Variants in NRXN1 observed in about 807,000 individuals in gnomAD.
The protein encoded by NRXN1 is neurexin-1.
In NRXN1, 39 loss-of-function variants were observed where a neutral mutation model predicts 150.9. The ratio of observed to expected loss-of-function variants is 0.26; its 90% confidence interval spans 0.20 to 0.34. The LOEUF (loss-of-function observed/expected upper bound fraction) is 0.34, where lower values mean the gene tolerates loss of function less well. Ranked by LOEUF, NRXN1 falls within the 10% of genes least tolerant of loss-of-function variation. The pLI is 1.00. For missense variants in NRXN1, 1,815 were observed against 1,949.9 expected, an observed-to-expected ratio of 0.93 and a Z score of 1.30; for synonymous variants, 924 against 757.0, an observed-to-expected ratio of 1.22 and a Z score of -3.62.
intron 17 of NRXN1, among the ~76,000 whole-genome samples, chr2:50,402,096 T>C (rs1006962212): frequency 9.2e-5 from 14 of 152,088 alleles, no homozygotes; most frequent in African/African-American, 3.1e-4. Context: ...GAACTCAGAC[T>C]AGTATAGCTT....
At chr2:50,827,681 C>T (rs147011726) in intron 5 of NRXN1, among the ~76,000 whole-genome samples, 13,448 of 151,850 alleles carry the variant, frequency 0.089, 690 homozygotes, top group Admixed American at 0.092. Context: ...CATAGGACAA[C>T]AGTGGAGGGA....
At chr2:50,842,059 T>G (rs936270913) in intron 5 of NRXN1, among the ~76,000 whole-genome samples, 1 of 152,204 alleles carries the variant, frequency 6.6e-6, no homozygotes, top group Admixed American at 6.5e-5. Context: ...CAACTGGACA[T>G]CATCTCCATT....
intron 5 of NRXN1, chr2:50,898,572 G>T (rs1423410219): frequency 2.1e-6 from 1 of 483,492 alleles, no homozygotes; most frequent in Non-Finnish European, 4.1e-6. Context: ...AATGAAACGG[G>T]ATATTGTGCT....
At chr2:50,655,806 T>C (rs552978482) in intron 5 of NRXN1, among the ~76,000 whole-genome samples, 1 of 152,070 alleles carries the variant, frequency 6.6e-6, no homozygotes, top group South Asian at 2.1e-4. Flanking sequence ...ACATTGACAC[T>C]TCTTTTTGAT....
At chr2:50,885,484 A>T (rs1313242586) in intron 5 of NRXN1, among the ~76,000 whole-genome samples, 1 of 151,330 alleles carries the variant, frequency 6.6e-6, no homozygotes, top group Non-Finnish European at 1.5e-5. Context: ...ACTATTTTAT[A>T]CCTGAATAAG....
At chr2:50,721,329 G>C (rs777954228) in intron 5 of NRXN1, among the ~76,000 whole-genome samples, 2 of 152,170 alleles carry the variant, frequency 1.3e-5, no homozygotes, top group African/African-American at 4.8e-5. Context: ...TATAAAATCA[G>C]CTCTAGTTTG....
At chr2:50,498,063 C>T (rs907139728) in intron 13 of NRXN1, among the ~76,000 whole-genome samples, 16 of 152,134 alleles carry the variant, frequency 1.1e-4, no homozygotes, top group African/African-American at 3.9e-4. Context: ...AGGGAGAGTG[C>T]ACAGAGAGAC....
intron 19 of NRXN1, among the ~76,000 whole-genome samples, chr2:50,086,264 A>T (rs988570632): frequency 2.0e-5 from 3 of 152,206 alleles, no homozygotes; most frequent in Non-Finnish European, 4.4e-5. Flanking sequence ...TAAATTACTG[A>T]TGACTTGAAT....
intron 5 of NRXN1, among the ~76,000 whole-genome samples, chr2:50,892,337 TCAAA>T (rs1337963473): frequency 3.9e-5 from 6 of 152,288 alleles, no homozygotes; most frequent in Admixed American, 3.9e-4. Flanking sequence ...GCTTCCTTTA[TCAAA>T]CAGTTATTAC....
chr2:50,538,938 A>G (rs994064713), intron 9 of NRXN1, among the ~76,000 whole-genome samples: 1 of 152,220 alleles, frequency 6.6e-6, no homozygotes, highest in African/African-American at 2.4e-5. Context: ...TACATACATT[A>G]AAAATAAAGA....
intron 17 of NRXN1, among the ~76,000 whole-genome samples, chr2:50,363,638 T>C (rs535274260): frequency 6.6e-6 from 1 of 152,300 alleles, no homozygotes; most frequent in East Asian, 1.9e-4. Context: ...TTTACACTGT[T>C]GGTGGGAGTA....
rs1682143921 is a variant in NRXN1 at position 49,992,414 on chromosome 2, A to AACAAACAC, written c.4129-48624_4129-48623insGTGTTTGT. ...AAAAAAAACACCCCAAAAACAAACAAACAAACAAAAAACCAATTAGCCAGG... is the reference window on the plus strand; with the variant it reads ...AAAAAAAACACCCCAAAAACAAACAAACAAACACACAAACAAAAAACCAATTAGCCAGG... On this transcript the variant is annotated intron_variant, in intron 21 of 22. Transcript: ENST00000401669. Among the ~76,000 whole-genome samples the AACAAACAC allele has an allele frequency of 2.0e-5, 3 of 151,238 alleles. No individual in the cohort carries two copies. In the South Asian group the frequency reaches 6.3e-4, roughly 32 times the overall value.
intron 5 of NRXN1, among the ~76,000 whole-genome samples, chr2:50,784,182 A>G (rs935773906): frequency 6.6e-6 from 1 of 152,152 alleles, no homozygotes; most frequent in Non-Finnish European, 1.5e-5. Context: ...GAGTAATATC[A>G]GGAATTGTGC....
intron 15 of NRXN1, among the ~76,000 whole-genome samples, chr2:50,495,118 CTAA>C (rs1481024019): frequency 2.0e-5 from 3 of 151,894 alleles, no homozygotes; most frequent in African/African-American, 7.2e-5. Flanking sequence ...GAATAACAGG[CTAA>C]TAATACTTTC....
At chr2:50,537,975 G>C (rs948489027) in intron 10 of NRXN1, among the ~76,000 whole-genome samples, 11 of 152,108 alleles carry the variant, frequency 7.2e-5, no homozygotes, top group African/African-American at 2.7e-4. Context: ...AGCAGTTACT[G>C]TCTATAATAC....
At chr2:50,138,458 G>T (rs867133316) in intron 18 of NRXN1, among the ~76,000 whole-genome samples, 2 of 152,290 alleles carry the variant, frequency 1.3e-5, no homozygotes, top group Middle Eastern at 3.4e-3. Flanking sequence ...GTAACTCAAT[G>T]AGCCATTTGT....
intron 17 of NRXN1, among the ~76,000 whole-genome samples, chr2:50,330,949 G>A (rs565920056): frequency 2.6e-5 from 4 of 152,206 alleles, no homozygotes; most frequent in East Asian, 1.9e-4. Context: ...GTAGTTACTT[G>A]CTAAAATCCC....
intron 17 of NRXN1, among the ~76,000 whole-genome samples, chr2:50,362,094 A>G (rs1192437874): frequency 1.3e-5 from 2 of 152,300 alleles, no homozygotes; most frequent in South Asian, 2.1e-4. Flanking sequence ...TTGGTGGAAC[A>G]TATTTCAAGA....
At chr2:50,033,877 C>T (rs764393810) in intron 21 of NRXN1, among the ~76,000 whole-genome samples, 13 of 151,278 alleles carry the variant, frequency 8.6e-5, no homozygotes, top group South Asian at 4.2e-4. Flanking sequence ...TATTTTAAAA[C>T]GCTCAGCATC....
Sources: allele counts gnomAD v4.1 joint callset (sites outside exome capture counted in the v4.1 genomes callset), GRCh38; gene constraint gnomAD v4.1.1; transcripts MANE v1.5; gene names NCBI Gene and HGNC (gene_info 2026-07-23, HGNC 2026-07-21).